BBS9: variants seen among roughly 807,000 people sequenced by gnomAD.
BBS9 encodes protein PTHB1.
Under a neutral mutation model 117.7 loss-of-function variants are expected in BBS9, and 89 were observed. The ratio of observed to expected loss-of-function variants is 0.76; its 90% confidence interval spans 0.64 to 0.90. BBS9 has a LOEUF of 0.90. Among genes scored for constraint, BBS9 ranks in the 40% least tolerant of loss-of-function variants. The pLI is 0.00. For missense variants in BBS9, 982 were observed against 1,042.2 expected, an observed-to-expected ratio of 0.94 and a Z score of 0.80; for synonymous variants, 379 against 370.9, an observed-to-expected ratio of 1.02 and a Z score of -0.25.
At chr7:33,263,205 G>A (rs1400755835) in intron 6 of BBS9, among the ~76,000 whole-genome samples, 2 of 152,084 alleles carry the variant, frequency 1.3e-5, no homozygotes, top group East Asian at 3.8e-4. Flanking sequence ...TGAAGTTACA[G>A]GTTTTTTATA....
At chr7:33,198,617 T>C (rs1262946242) in intron 5 of BBS9, among the ~76,000 whole-genome samples, 2 of 152,026 alleles carry the variant, frequency 1.3e-5, no homozygotes. Flanking sequence ...GCTTTCATTA[T>C]ATATCTAGCC....
At chr7:33,368,274 GT>G (rs1402433308) in intron 17 of BBS9, among the ~76,000 whole-genome samples, 4 of 152,112 alleles carry the variant, frequency 2.6e-5, no homozygotes, top group Non-Finnish European at 4.4e-5. Context: ...ATATATTCTT[GT>G]TTATTCATTT....
chr7:33,161,519 A>C (rs1794846091), intron 4 of BBS9, among the ~76,000 whole-genome samples: 1 of 152,182 alleles, frequency 6.6e-6, no homozygotes, highest in Middle Eastern at 3.2e-3. Context: ...CCAGTCTATC[A>C]TTGATGGACA....
chr7:33,181,840 T>C (rs374369654), intron 5 of BBS9, among the ~76,000 whole-genome samples: 2 of 152,336 alleles, frequency 1.3e-5, no homozygotes, highest in African/African-American at 4.8e-5. Flanking sequence ...TCCCAGCACT[T>C]TGGGAGGCCG....
chr7:33,605,046 A>G (rs1447262335), intron 22 of BBS9, 71 bp downstream of exon 22: 1 of 1,488,744 alleles, frequency 6.7e-7, no homozygotes, highest in Non-Finnish European at 9.4e-7. Flanking sequence ...AGTTTTTGTC[A>G]TACCAGAGAG....
At chr7:33,166,440 G>C (rs188558455) in intron 4 of BBS9, among the ~76,000 whole-genome samples, 1 of 152,378 alleles carries the variant, frequency 6.6e-6, no homozygotes, top group Non-Finnish European at 1.5e-5. Context: ...GCTGCCTTTT[G>C]TTCAGCTATG....
chr7:33,366,765 C>T (rs978715550), intron 16 of BBS9, among the ~76,000 whole-genome samples: 1 of 151,956 alleles, frequency 6.6e-6, no homozygotes, highest in East Asian at 1.9e-4. Context: ...AGGATGGTCT[C>T]GATCTCCTTA....
At chr7:33,251,825 A>G (rs748861067) in intron 5 of BBS9, among the ~76,000 whole-genome samples, 1 of 152,198 alleles carries the variant, frequency 6.6e-6, no homozygotes, top group Non-Finnish European at 1.5e-5. Context: ...TCAAACCTAG[A>G]TTATTTGGCT....
Position 33,501,675 on chromosome 7 carries a change from G to A in BBS9, c.2116-3788G>A, listed in dbSNP as rs566952743. ...GATTTTTCCCTTGATAGTGAGGAAC[G>A]TGTGTAAAAGCATCCTTTAAGTCCA... On this transcript the variant is annotated intron_variant, in intron 19 of 22. Coordinates refer to ENST00000242067, the MANE Select transcript of BBS9 (RefSeq NM_198428.3). Among the ~76,000 whole-genome samples, 68 of 152,176 alleles carry A rather than the reference G, an allele frequency of 4.5e-4. 2 individuals are homozygous for A. The highest frequency in any genetic ancestry group is 2.0e-4 in the Admixed American group (3 of 15,286).
At chr7:33,311,672 C>A (rs1809259953) in intron 9 of BBS9, among the ~76,000 whole-genome samples, 1 of 152,100 alleles carries the variant, frequency 6.6e-6, no homozygotes, top group Non-Finnish European at 1.5e-5. Context: ...CAAAGATTAG[C>A]CGGGTGTGGT....
chr7:33,322,401 G>T (rs1584314972), intron 9 of BBS9, among the ~76,000 whole-genome samples: 1 of 100,598 alleles, frequency 9.9e-6, no homozygotes, highest in Non-Finnish European at 2.1e-5. Context: ...TTTTTATTAT[G>T]GCATCAATCT....
At chr7:33,344,083 T>G (rs1299505170) in intron 11 of BBS9, among the ~76,000 whole-genome samples, 3 of 132,776 alleles carry the variant, frequency 2.3e-5, no homozygotes. Context: ...GATGAGTTTT[T>G]TTTTTTTTTT....
At chr7:33,298,327 C>T (rs924685968) in intron 9 of BBS9, among the ~76,000 whole-genome samples, 3 of 152,136 alleles carry the variant, frequency 2.0e-5, no homozygotes, top group Middle Eastern at 3.4e-3. Context: ...AGTGCCTCCC[C>T]GCTTTTCTGT....
chr7:33,545,986 T>C (rs1421486292), intron 21 of BBS9, among the ~76,000 whole-genome samples: 2 of 127,610 alleles, frequency 1.6e-5, no homozygotes, highest in Non-Finnish European at 3.1e-5. Context: ...CAGGCTGGAG[T>C]GCAGTAGCGT....
At chr7:33,341,011 G>GTTACTTCA in intron 11 of BBS9, 38 bp downstream of exon 11, 1 of 1,565,386 alleles carries the variant, frequency 6.4e-7, no homozygotes, top group Non-Finnish European at 8.8e-7. Flanking sequence ...GTTTATAAGA[G>GTTACTTCA]TGGTAAACTC....
At chr7:33,319,043 A>C (rs201312577) in intron 9 of BBS9, among the ~76,000 whole-genome samples, 1 of 151,992 alleles carries the variant, frequency 6.6e-6, no homozygotes, top group Non-Finnish European at 1.5e-5. Context: ...GGCACCTGTA[A>C]TCCCAGCTAC....
chr7:33,183,203 C>T lies in BBS9; in HGVS notation c.442+5612C>T, dbSNP rs1367510566. 8.6e-5 allele frequency among the ~76,000 whole-genome samples: 13 copies of T among 151,910 alleles called. No homozygotes were observed. In the South Asian group the frequency reaches 2.7e-3, roughly 31 times the overall value. ...CGAGGGAAACAGATGTCTTTTTTTC[C>T]CCCCAAAATGGAGTCTGCAGCACCT... On this transcript the variant is annotated intron_variant, in intron 5 of 22. Coordinates refer to ENST00000242067, the MANE Select transcript of BBS9 (RefSeq NM_198428.3).
chr7:33,542,373 G>A (rs756866580), intron 21 of BBS9, among the ~76,000 whole-genome samples: 28 of 152,190 alleles, frequency 1.8e-4, no homozygotes, highest in African/African-American at 4.1e-4. Context: ...GTGAGCCACC[G>A]CACCCAGCCC....
chr7:33,218,413 G>A (rs1301975127), intron 5 of BBS9, among the ~76,000 whole-genome samples: 3 of 152,200 alleles, frequency 2.0e-5, no homozygotes, highest in African/African-American at 7.2e-5. Flanking sequence ...CCCTGTCATT[G>A]TCAGTAATGA....
Sources: gnomAD v4.1 joint callset for allele counts (sites outside exome capture counted in the v4.1 genomes callset) on GRCh38, gnomAD v4.1.1 for gene constraint, MANE v1.5 for transcripts, NCBI Gene and HGNC (gene_info 2026-07-23, HGNC 2026-07-21) for gene names.